Variants in SNX6 observed in about 807,000 individuals in gnomAD.
The protein encoded by SNX6 is sorting nexin-6.
Under a neutral mutation model 63.0 loss-of-function variants are expected in SNX6, and 34 were observed. That is an observed-to-expected ratio of 0.54 (90% CI 0.41 to 0.72). The LOEUF (loss-of-function observed/expected upper bound fraction) is 0.72, where lower values mean the gene tolerates loss of function less well. Ranked by LOEUF, SNX6 falls within the 30% of genes least tolerant of loss-of-function variation. The probability of loss-of-function intolerance (pLI) is 0.00; values close to 1 mark genes in which losing one functional copy is unlikely to be tolerated. For synonymous variants in SNX6, 170 were observed against 164.2 expected, an observed-to-expected ratio of 1.04 and a Z score of -0.27; for missense variants, 398 against 471.4, an observed-to-expected ratio of 0.84 and a Z score of 1.44.
At chr14:34,629,581 G>A (rs773836208) in intron 2 of SNX6, 2 of 612,496 alleles carry the variant, frequency 3.3e-6, no homozygotes, top group South Asian at 1.5e-5. Flanking sequence ...AAAGTGTCGA[G>A]GGAGGGTGGG....
intron 6 of SNX6, among the ~76,000 whole-genome samples, chr14:34,599,000 C>A (rs375320066): frequency 3.3e-5 from 5 of 152,256 alleles, no homozygotes; most frequent in African/African-American, 1.2e-4. Flanking sequence ...TACCCTCTTG[C>A]CCCTTCCTTC....
intron 2 of SNX6, 72 bp downstream of exon 2, chr14:34,629,835 T>C: frequency 6.5e-7 from 1 of 1,543,956 alleles, no homozygotes; most frequent in East Asian, 2.4e-5. Context: ...CCCATCCCCG[T>C]ACCACACCCG....
At chr14:34,595,914 A>G (rs930686076) in intron 7 of SNX6, among the ~76,000 whole-genome samples, 2 of 152,184 alleles carry the variant, frequency 1.3e-5, no homozygotes, top group African/African-American at 4.8e-5. Flanking sequence ...TTAGAACATC[A>G]TTAAGAAAAG....
chr14:34,605,750 A>C (rs916608100), intron 4 of SNX6, 33 bp from the exon 5 acceptor site: 6 of 1,582,760 alleles, frequency 3.8e-6, no homozygotes, highest in Non-Finnish European at 5.1e-6. Flanking sequence ...ATTTTAAGGA[A>C]ATTTTCATTT....
At chr14:34,575,882 A>C in intron 10 of SNX6, 40 bp from the exon 11 acceptor site, 2 of 1,142,730 alleles carry the variant, frequency 1.8e-6, no homozygotes, top group Non-Finnish European at 2.5e-6. Flanking sequence ...ATCAACAACT[A>C]CATTCTCCTC....
intron 11 of SNX6, among the ~76,000 whole-genome samples, chr14:34,574,619 CAAAAAAAAAAA>C (rs33959613): frequency 1.1e-4 from 9 of 79,438 alleles, no homozygotes; most frequent in African/African-American, 3.7e-4. Flanking sequence ...GACTCCATCT[CAAAAAAAAAAA>C]AAAAAAAAAA....
At chr14:34,615,207 G>A (rs1017752277) in intron 2 of SNX6, among the ~76,000 whole-genome samples, 5 of 151,526 alleles carry the variant, frequency 3.3e-5, no homozygotes, top group African/African-American at 7.3e-5. Context: ...TCCACTTAAC[G>A]GTTTTGGTCT....
chr14:34,573,978 T>C (rs1364126739), intron 11 of SNX6, among the ~76,000 whole-genome samples: 3 of 152,132 alleles, frequency 2.0e-5, no homozygotes, highest in East Asian at 3.9e-4. Context: ...AGTTGCCTTA[T>C]AAAAAAGCGT....
chr14:34,576,494 G>C (rs1483258623), intron 10 of SNX6, among the ~76,000 whole-genome samples: 2 of 150,550 alleles, frequency 1.3e-5, no homozygotes, highest in Non-Finnish European at 3.0e-5. Flanking sequence ...TGTCACCCAG[G>C]CTGGAATGCA....
At chr14:34,618,081 GAGGA>G (rs1488808612) in intron 2 of SNX6, among the ~76,000 whole-genome samples, 1 of 152,162 alleles carries the variant, frequency 6.6e-6, no homozygotes, top group Admixed American at 6.6e-5. Context: ...ATGGGGCAAA[GAGGA>G]AGGAAGAAAG....
At chr14:34,613,069 G>A (rs1252625974) in intron 2 of SNX6, among the ~76,000 whole-genome samples, 2 of 150,592 alleles carry the variant, frequency 1.3e-5, no homozygotes, top group South Asian at 2.1e-4. Context: ...ACTGACACAG[G>A]AAAAAAACAC....
intron 8 of SNX6, among the ~76,000 whole-genome samples, chr14:34,587,600 G>C (rs116581254): frequency 0.014 from 1,978 of 140,500 alleles, 53 homozygotes; most frequent in African/African-American, 0.05. Flanking sequence ...CTGGGCGATA[G>C]AGCTAGACTC....
intron 10 of SNX6, among the ~76,000 whole-genome samples, chr14:34,576,127 A>G (rs560264750): frequency 3.0e-4 from 45 of 151,410 alleles, no homozygotes; most frequent in African/African-American, 9.7e-4. Context: ...GGGTTTCACC[A>G]TGTTAGCCAG....
At chr14:34,598,253 G>A (rs910941868) in intron 6 of SNX6, among the ~76,000 whole-genome samples, 8 of 152,102 alleles carry the variant, frequency 5.3e-5, no homozygotes, top group Non-Finnish European at 1.0e-4. Flanking sequence ...GCTGTATCAG[G>A]GTGCCCCATA....
chr14:34,607,208 A>T (rs538496947), intron 4 of SNX6, among the ~76,000 whole-genome samples: 6 of 152,306 alleles, frequency 3.9e-5, no homozygotes, highest in African/African-American at 1.4e-4. Context: ...ACATCCCCTA[A>T]GAAAACACTT....
Position 34,586,309 on chromosome 14 carries a change from T to C in SNX6, c.719-4A>G. The C allele has an allele frequency of 1.9e-6, 3 of 1,597,212 alleles. No individual in the cohort carries two copies. The highest frequency in any genetic ancestry group is 2.6e-6 in the Non-Finnish European group (3 of 1,166,220). On this transcript the variant is annotated splice_region_variant and splice_polypyrimidine_tract_variant and intron_variant, in intron 8 of 13. Transcript: ENST00000362031. Reference sequence around the variant, plus strand: ...CTATTGTAATCATCTGCAGCACCTATGGAGAAAGTTTTAAGAATTTAGTAT... The same window carrying C: ...CTATTGTAATCATCTGCAGCACCTACGGAGAAAGTTTTAAGAATTTAGTAT...
chr14:34,583,182 G>A (rs12879294), intron 9 of SNX6, among the ~76,000 whole-genome samples: 38,590 of 151,928 alleles, frequency 0.25, 6,221 homozygotes, highest in Non-Finnish European at 0.37. Flanking sequence ...GGTGGCACGC[G>A]CCTGTAGTCC....
chr14:34,573,669 C>T (rs920983023), intron 11 of SNX6, among the ~76,000 whole-genome samples: 2 of 151,316 alleles, frequency 1.3e-5, no homozygotes, highest in African/African-American at 2.4e-5. Flanking sequence ...GACGGAGTCT[C>T]GCTTTGTCGC....
At chr14:34,627,040 G>A (rs1594755493) in intron 2 of SNX6, among the ~76,000 whole-genome samples, 1 of 152,134 alleles carries the variant, frequency 6.6e-6, no homozygotes, top group Non-Finnish European at 1.5e-5. Flanking sequence ...TTAGAGACAG[G>A]ACCTCACTCT....
Sources: gnomAD v4.1 joint callset for allele counts (sites outside exome capture counted in the v4.1 genomes callset) on GRCh38, gnomAD v4.1.1 for gene constraint, MANE v1.5 for transcripts, NCBI Gene and HGNC (gene_info 2026-07-23, HGNC 2026-07-21) for gene names.